The following GJA5 variants were observed in gnomAD, a reference collection of about 807,000 sequenced individuals.
GJA5 encodes gap junction protein alpha 5, also known as gap junction alpha-5 protein.
Under a neutral mutation model 7.9 loss-of-function variants are expected in GJA5, and 3 were observed. The observed-to-expected ratio is 0.38, with a 90% CI of 0.17 to 0.99. The LOEUF is 0.99. Ranked by LOEUF, GJA5 falls within the 50% of genes least tolerant of loss-of-function variation. The pLI is 0.38. For synonymous variants in GJA5, 193 were observed against 181.0 expected (o/e 1.07, Z -0.53); for missense variants, 390 against 457.9 (o/e 0.85, Z 1.35).
At chr1:147,770,630 A>C (rs1197449388) in intron 1 of GJA5, among the ~76,000 whole-genome samples, 2 of 152,148 alleles carry the variant, frequency 1.3e-5, no homozygotes, top group African/African-American at 2.4e-5. Context: ...AAGATCACAC[A>C]GCTAAAATCC....
chr1:147,766,971 G>A (rs587749281), intron 1 of GJA5, among the ~76,000 whole-genome samples: 1 of 152,282 alleles, frequency 6.6e-6, no homozygotes, highest in South Asian at 2.1e-4. Context: ...TTCAGAAAGT[G>A]CTTATCGAGC....
Position 147,758,814 on chromosome 1 carries a change from C to T in GJA5, c.425G>A (p.Arg142Lys), listed in dbSNP as rs781923468. The T allele has an allele frequency of 3.1e-6, 5 of 1,614,060 alleles. No individual in the cohort carries two copies. The highest frequency in any genetic ancestry group is 4.2e-6 in the Non-Finnish European group (5 of 1,180,026). The change falls in exon 2 of 2, where the codon AGG becomes AAG. Residue 142 changes from arginine to lysine, a missense_variant. Arg to Lys is a conservative substitution (Grantham distance 26). Around this residue, in one of 2 missense-constraint regions of GJA5, gnomAD observed 354 missense variants for 370.9 expected, o/e 0.95. Coordinates refer to ENST00000579774, the MANE Select transcript of GJA5 (RefSeq NM_181703.4). ...GAGCAGAGTGCCCTGGAGGGCAATC[C>T]TTCCATTCCCTTCCTCCCAGCAGGA... is the stretch of plus-strand genomic sequence containing the variant. ...ELSCWEEGNGRIALQGTLLNT... is the reference protein window; with the variant it reads ...ELSCWEEGNGKIALQGTLLNT...
At chr1:147,771,681 G>A (rs1282198082) in intron 1 of GJA5, among the ~76,000 whole-genome samples, 32 of 152,206 alleles carry the variant, frequency 2.1e-4, no homozygotes, top group Middle Eastern at 3.2e-3. Flanking sequence ...CTCTGTGAAC[G>A]TCACATGTGT....
Position 147,758,110 on chromosome 1 carries a change from T to C in GJA5, c.*52A>G. 1 of 1,246,330 alleles carries C rather than the reference T, an allele frequency of 8.0e-7. No individual in the cohort carries two copies. The highest frequency in any genetic ancestry group is 1.2e-5 in the South Asian group (1 of 83,444). The allele number at this position is 1,246,330 out of a possible 1,614,324, so 77.2% of individuals were successfully genotyped here. A position where few individuals can be genotyped will look rare whatever the true frequency, so the allele number is the denominator to read the frequency against. Reference sequence around the variant, plus strand: ...CAGTTCAGAAGGGACACGTCTTTCCTCTCTGAGCCTCCTTTGTTCCCACCT... The same window carrying C: ...CAGTTCAGAAGGGACACGTCTTTCCCCTCTGAGCCTCCTTTGTTCCCACCT... On this transcript the variant is annotated 3_prime_UTR_variant, in exon 2 of 2. Transcript: ENST00000579774.
chr1:147,767,102 C>A (rs1281298303), intron 1 of GJA5, among the ~76,000 whole-genome samples: 1 of 152,154 alleles, frequency 6.6e-6, no homozygotes, highest in Non-Finnish European at 1.5e-5. Context: ...TCCTCTCACC[C>A]CAATAATTTC....
intron 1 of GJA5, among the ~76,000 whole-genome samples, chr1:147,766,037 T>C (rs1553228140): frequency 6.6e-6 from 1 of 152,148 alleles, no homozygotes; most frequent in African/African-American, 2.4e-5. Context: ...TCACACATAA[T>C]AGCCTTTCTA....
At chr1:147,763,176 C>T (rs781864239), upstream of GJA5, among the ~76,000 whole-genome samples, 4 of 152,186 alleles carry the variant, frequency 2.6e-5, no homozygotes, top group Admixed American at 6.5e-5. Context: ...GTTCCCTCTG[C>T]CTAGAATGTC....
At chr1:147,768,739 C>T (rs1241949209) in intron 1 of GJA5, among the ~76,000 whole-genome samples, 2 of 152,292 alleles carry the variant, frequency 1.3e-5, no homozygotes, top group Non-Finnish European at 1.5e-5. Context: ...CTTTCTAACC[C>T]TCCCATTAAC....
At chr1:147,767,086 C>T (rs1017673984) in intron 1 of GJA5, among the ~76,000 whole-genome samples, 10 of 152,168 alleles carry the variant, frequency 6.6e-5, no homozygotes, top group Non-Finnish European at 1.3e-4. Flanking sequence ...TACATGTTTT[C>T]TGATTTCCTC....
In GJA5 at chr1:147,757,965, G is replaced by C. The variant is rs1361373654; in HGVS notation, c.*197C>G. ...AGGGTGGGGAGGGAACTGCAGTCTGGGTGGGTTGTCACCTCTCTTACTATC... is the reference window on the plus strand; with the variant it reads ...AGGGTGGGGAGGGAACTGCAGTCTGCGTGGGTTGTCACCTCTCTTACTATC... On this transcript the variant is annotated 3_prime_UTR_variant, in exon 2 of 2. Coordinates refer to ENST00000579774, the MANE Select transcript of GJA5 (RefSeq NM_181703.4). The C allele has an allele frequency of 8.3e-6, 5 of 602,730 alleles. No individual in the cohort carries two copies. The highest frequency in any genetic ancestry group is 1.5e-5 in the Non-Finnish European group (5 of 339,240). 37.3% of individuals were successfully genotyped at this position (602,730 alleles called of 1,614,324 possible).
At position 147,758,266 on chromosome 1, in the gene GJA5, T is replaced by G. The variant is rs782592443; in HGVS notation, c.973A>C (p.Asn325His). The G allele has an allele frequency of 1.1e-4, 174 of 1,613,970 alleles. No individual in the cohort carries two copies. Among genetic ancestry groups the G allele is most frequent in the Admixed American group, 1.5e-4 (9 of 60,000 alleles). The change falls in exon 2 of 2, where the codon AAT becomes CAT. Residue 325 changes from asparagine (N) to histidine (H), a missense_variant. Asn to His is a moderately conservative substitution (Grantham distance 68). This residue lies in a region of GJA5 where 354 missense variants were observed against 370.9 expected (regional missense o/e 0.95). Transcript: ENST00000579774. ...VRYGQKPEVP[N>H]GVSPGHRLPH... is the part of the protein sequence containing the mutation. ...AGGCGGTGACCTGGTGAGACTCCAT[T>G]GGGCACCTCAGGCTTCTGGCCATAA...
At chr1:147,761,545 C>T (rs1435032462), upstream of GJA5, among the ~76,000 whole-genome samples, 1 of 152,220 alleles carries the variant, frequency 6.6e-6, no homozygotes, top group Non-Finnish European at 1.5e-5. Context: ...CTTATCTCTG[C>T]TCCTCTCTAT....
At chr1:147,761,116 AC>A (rs1454060466), upstream of GJA5, among the ~76,000 whole-genome samples, 1 of 152,154 alleles carries the variant, frequency 6.6e-6, no homozygotes, top group Non-Finnish European at 1.5e-5. Context: ...GAGGCTCCCT[AC>A]CTCCAGAATT....
intron 1 of GJA5, among the ~76,000 whole-genome samples, chr1:147,771,729 AC>A (rs1308925109): frequency 6.6e-6 from 1 of 152,194 alleles, no homozygotes; most frequent in African/African-American, 2.4e-5. Flanking sequence ...GTTGGAAGCC[AC>A]AGAATCCCCT....
chr1:147,757,189 A>C lies in GJA5; in HGVS notation c.*973T>G, dbSNP rs1157433848. The C allele has an allele frequency of 6.6e-6, 1 of 152,208 alleles. No homozygotes were observed. The highest frequency in any genetic ancestry group is 2.4e-5 in the African/African-American group (1 of 41,442). 9.4% of individuals were successfully genotyped at this position (152,208 alleles called of 1,614,324 possible). Reference sequence around the variant, plus strand: ...GAAGTACAATGCTTTCTTTGTTTTAACAAGGCCTGGGGAAATTCCACTGGC... The same window carrying C: ...GAAGTACAATGCTTTCTTTGTTTTACCAAGGCCTGGGGAAATTCCACTGGC... On this transcript the variant is annotated 3_prime_UTR_variant, in exon 2 of 2. Coordinates refer to ENST00000579774, the MANE Select transcript of GJA5 (RefSeq NM_181703.4).
chr1:147,766,567 C>T (rs587683253), intron 1 of GJA5, among the ~76,000 whole-genome samples: 5 of 152,172 alleles, frequency 3.3e-5, no homozygotes, highest in East Asian at 1.9e-4. Context: ...GTGACAGAGC[C>T]GTTCTCTCAG....
chr1:147,767,172 T>C (rs1461629308), intron 1 of GJA5, among the ~76,000 whole-genome samples: 1 of 152,216 alleles, frequency 6.6e-6, no homozygotes, highest in African/African-American at 2.4e-5. Context: ...CCTCAGCTAC[T>C]TCAGTAATCT....
chr1:147,769,489 T>C (rs1341853533), intron 1 of GJA5, among the ~76,000 whole-genome samples: 1 of 152,216 alleles, frequency 6.6e-6, no homozygotes, highest in African/African-American at 2.4e-5. Context: ...TGTGTGGACA[T>C]GTGGAGTCAC....
chr1:147,769,749 T>C (rs1664330270), intron 1 of GJA5, among the ~76,000 whole-genome samples: 2 of 152,014 alleles, frequency 1.3e-5, no homozygotes, highest in Non-Finnish European at 2.9e-5. Flanking sequence ...ATTAGTTATC[T>C]CACAAGGCAT....
Sources: allele counts gnomAD v4.1 joint callset (sites outside exome capture counted in the v4.1 genomes callset), GRCh38; gene constraint gnomAD v4.1.1; regional missense constraint gnomAD v4.1.1; transcripts MANE v1.5; gene names NCBI Gene and HGNC (gene_info 2026-07-23, HGNC 2026-07-21).